The following SMOC2 variants were observed in gnomAD, a reference collection of about 807,000 sequenced individuals.
The protein encoded by SMOC2 is SPARC related modular calcium binding 2.
In SMOC2, 39 loss-of-function variants were observed where a neutral mutation model predicts 61.4. The observed-to-expected ratio is 0.64, with a 90% CI of 0.49 to 0.83. The LOEUF is 0.83. SMOC2 is among the 40% of genes least tolerant of loss of function. The probability of loss-of-function intolerance (pLI) is 0.00; values close to 1 mark genes in which losing one functional copy is unlikely to be tolerated. For missense variants in SMOC2, 556 were observed against 592.9 expected (o/e 0.94, Z 0.65); for synonymous variants, 247 against 239.9 (o/e 1.03, Z -0.27).
chr6:168,574,378 G>T (rs1235721893), intron 7 of SMOC2, among the ~76,000 whole-genome samples: 9 of 152,342 alleles, frequency 5.9e-5, no homozygotes, highest in African/African-American at 2.2e-4. Context: ...CCGTCCTTAG[G>T]AACGAGCTTG....
intron 2 of SMOC2, among the ~76,000 whole-genome samples, chr6:168,518,842 C>A (rs59263528): frequency 6.7e-6 from 1 of 150,214 alleles, no homozygotes; most frequent in East Asian, 2.0e-4. Flanking sequence ...AGTGTGCATG[C>A]GTGTGTGTGC....
intron 9 of SMOC2, among the ~76,000 whole-genome samples, chr6:168,625,638 G>C (rs1184262427): frequency 1.3e-5 from 2 of 152,232 alleles, no homozygotes; most frequent in African/African-American, 4.8e-5. Flanking sequence ...CTCGCTCTCA[G>C]AAAGCCTAAT....
At chr6:168,441,551 T>G in intron 1 of SMOC2, 97 bp downstream of exon 1, 7 of 1,350,352 alleles carry the variant, frequency 5.2e-6, no homozygotes, top group Non-Finnish European at 6.6e-6. Context: ...CCCAGGCGCC[T>G]GGGCACGGGG....
intron 7 of SMOC2, among the ~76,000 whole-genome samples, chr6:168,580,314 A>G (rs1423007594): frequency 6.6e-6 from 1 of 152,196 alleles, no homozygotes; most frequent in Non-Finnish European, 1.5e-5. Context: ...TTTGAGTATG[A>G]GCTTCCTATA....
In SMOC2 at chr6:168,667,259, G is replaced by A. The variant is rs1435151114; in HGVS notation, c.*821G>A. ...TGTGACCGAGCTGGCTAACAGGCTTGTCTGCCTGGTTTTCCTCCTACACGT... is the reference window on the plus strand; with the variant it reads ...TGTGACCGAGCTGGCTAACAGGCTTATCTGCCTGGTTTTCCTCCTACACGT... On this transcript the variant is annotated 3_prime_UTR_variant, in exon 13 of 13. Transcript: ENST00000356284. 6.6e-6 allele frequency: 1 copy of A among 152,166 alleles called. No homozygotes were observed. The highest frequency in any genetic ancestry group is 2.4e-5 in the African/African-American group (1 of 41,428). The allele number at this position is 152,166 out of a possible 1,614,324, so 9.4% of individuals were successfully genotyped here. A position where few individuals can be genotyped will look rare whatever the true frequency, so the allele number is the denominator to read the frequency against.
chr6:168,568,302 CTT>C (rs1784589543), intron 7 of SMOC2, among the ~76,000 whole-genome samples: 1 of 152,166 alleles, frequency 6.6e-6, no homozygotes, highest in Non-Finnish European at 1.5e-5. Context: ...TTTTCACAGA[CTT>C]TATTTTTAGA....
intron 7 of SMOC2, among the ~76,000 whole-genome samples, chr6:168,556,364 A>T (rs1427553653): frequency 6.6e-6 from 1 of 152,074 alleles, no homozygotes; most frequent in Non-Finnish European, 1.5e-5. Flanking sequence ...TTTTAAGGGG[A>T]GTCCGGCTCT....
chr6:168,445,577 G>A (rs1450619656), intron 1 of SMOC2, among the ~76,000 whole-genome samples: 1 of 152,140 alleles, frequency 6.6e-6, no homozygotes, highest in East Asian at 1.9e-4. Context: ...ATCCTGTTTT[G>A]ATATAGTTCT....
chr6:168,633,992 C>G (rs1265025859), intron 9 of SMOC2, among the ~76,000 whole-genome samples: 1 of 152,224 alleles, frequency 6.6e-6, no homozygotes, highest in Non-Finnish European at 1.5e-5. Flanking sequence ...TCACTTTGAA[C>G]TTCTTCTTCC....
chr6:168,627,349 G>A (rs775467107), intron 9 of SMOC2, among the ~76,000 whole-genome samples: 5 of 152,172 alleles, frequency 3.3e-5, no homozygotes, highest in Non-Finnish European at 4.4e-5. Context: ...GAGGCACAGG[G>A]AAGATTTCTC....
At chr6:168,618,176 A>G (rs1786145711) in intron 9 of SMOC2, among the ~76,000 whole-genome samples, 1 of 152,250 alleles carries the variant, frequency 6.6e-6, no homozygotes, top group Non-Finnish European at 1.5e-5. Context: ...TATCACCACG[A>G]TGAAATAATT....
At chr6:168,582,872 C>G (rs1182679288) in intron 7 of SMOC2, among the ~76,000 whole-genome samples, 1 of 152,122 alleles carries the variant, frequency 6.6e-6, no homozygotes. Flanking sequence ...GGCCTTGCCC[C>G]TCCCGGTTTT....
chr6:168,623,329 A>ATTTTTTTTTTTT (rs11284179), intron 9 of SMOC2, among the ~76,000 whole-genome samples: 3 of 129,108 alleles, frequency 2.3e-5, no homozygotes, highest in Non-Finnish European at 3.2e-5. Context: ...TGGATAATTA[A>ATTTTTTTTTTTT]TTTTTTTTTT....
At chr6:168,556,350 T>G (rs1365577563) in intron 7 of SMOC2, among the ~76,000 whole-genome samples, 1 of 152,096 alleles carries the variant, frequency 6.6e-6, no homozygotes, top group Non-Finnish European at 1.5e-5. Context: ...TTGGGATGAT[T>G]AGCTTTTAAG....
At position 168,666,584 on chromosome 6, in the gene SMOC2, C is replaced by A; in HGVS notation, c.*146C>A. 1.1e-6 allele frequency: 1 copy of A among 883,332 alleles called. No homozygotes were observed. The allele number at this position is 883,332 out of a possible 1,614,324, so 54.7% of individuals were successfully genotyped here. A position where few individuals can be genotyped will look rare whatever the true frequency, so the allele number is the denominator to read the frequency against. On this transcript the variant is annotated 3_prime_UTR_variant, in exon 13 of 13. Coordinates refer to ENST00000356284, the MANE Select transcript of SMOC2 (RefSeq NM_001166412.2). ...ACTTTGTAGAAATGAGCTATTTAAA[C>A]AGACTGTTTTAATCTGTGAAAATGG...
At chr6:168,624,217 G>C (rs189189049) in intron 9 of SMOC2, among the ~76,000 whole-genome samples, 1 of 152,360 alleles carries the variant, frequency 6.6e-6, no homozygotes, top group East Asian at 1.9e-4. Context: ...CTGTGAGGAA[G>C]TGTTATTGAT....
At chr6:168,456,723 T>G (rs901922488) in intron 1 of SMOC2, among the ~76,000 whole-genome samples, 1 of 152,186 alleles carries the variant, frequency 6.6e-6, no homozygotes, top group Non-Finnish European at 1.5e-5. Flanking sequence ...GCTTCCAGAT[T>G]GTGGGACATC....
Position 168,469,401 on chromosome 6 carries a change from G to C in SMOC2, c.84+27947G>C, listed in dbSNP as rs192230556. ...AAAGGAGGGACAGGCTTTGCTAGGGGTAATTTAGTGTGTTTTGTAAACGGA... is the reference window on the plus strand; with the variant it reads ...AAAGGAGGGACAGGCTTTGCTAGGGCTAATTTAGTGTGTTTTGTAAACGGA... On this transcript the variant is annotated intron_variant, in intron 1 of 12. Coordinates refer to ENST00000356284, the MANE Select transcript of SMOC2 (RefSeq NM_001166412.2). 2.9e-4 allele frequency among the ~76,000 whole-genome samples: 44 copies of C among 152,320 alleles called. No individual in the cohort carries two copies. The East Asian group carries it at 7.1e-3, about 25-fold the overall frequency.
rs774951012 is a variant in SMOC2 at position 168,519,601 on chromosome 6, CAAAGGGCCT to C, written c.257-6744_257-6736del. 5.5e-4 allele frequency among the ~76,000 whole-genome samples: 83 copies of C among 152,264 alleles called. 1 individual carries two copies. The highest frequency in any genetic ancestry group is 3.9e-4 in the Admixed American group (6 of 15,294). ...GGACGTTCCTAGAACATCGCACATC[CAAAGGGCCT>C]TTCCTTGTTTGCTTTAGTGGCACCA... On this transcript the variant is annotated intron_variant, in intron 2 of 12. Coordinates refer to ENST00000356284, the MANE Select transcript of SMOC2 (RefSeq NM_001166412.2).
Sources: gnomAD v4.1 joint callset for allele counts (sites outside exome capture counted in the v4.1 genomes callset) on GRCh38, gnomAD v4.1.1 for gene constraint, MANE v1.5 for transcripts, NCBI Gene and HGNC (gene_info 2026-07-23, HGNC 2026-07-21) for gene names.